The following MAF variants were observed in gnomAD, a reference collection of about 807,000 sequenced individuals.
MAF encodes MAF bZIP transcription factor, also known as transcription factor Maf.
A neutral mutation model predicts 22.0 loss-of-function variants in MAF; 10 were observed. That is an observed-to-expected ratio of 0.45 (90% CI 0.28 to 0.77). The LOEUF (loss-of-function observed/expected upper bound fraction) is 0.77. MAF is among the 30% of genes least tolerant of loss of function. The pLI is 0.12. For synonymous variants in MAF, 337 were observed against 255.8 expected, an observed-to-expected ratio of 1.32 and a Z score of -3.03; for missense variants, 544 against 548.4, an observed-to-expected ratio of 0.99 and a Z score of 0.08.
the MAF span, among the ~76,000 whole-genome samples, chr16:79,539,583 A>G: frequency 6.6e-6 from 1 of 152,256 alleles, no homozygotes; most frequent in African/African-American, 2.4e-5. Flanking sequence ...AACATTTATA[A>G]TAAAGATATA....
chr16:79,357,667 C>G, the MAF span, among the ~76,000 whole-genome samples: 1 of 152,106 alleles, frequency 6.6e-6, no homozygotes, highest in Non-Finnish European at 1.5e-5. Context: ...TCCTCACCAT[C>G]GGTTCCCTAG....
intron 1 of MAF, chr16:79,595,338 T>C: frequency 6.7e-6 from 7 of 1,051,100 alleles, no homozygotes; most frequent in Non-Finnish European, 8.0e-6. Context: ...GATGATAAAC[T>C]GGCCAGAACT....
At chr16:79,512,310 T>C in the MAF span, among the ~76,000 whole-genome samples, 1 of 152,186 alleles carries the variant, frequency 6.6e-6, no homozygotes, top group East Asian at 1.9e-4. Flanking sequence ...ACGAAGCCAG[T>C]ATCCAGACCA....
the MAF span, among the ~76,000 whole-genome samples, chr16:79,460,196 C>G: frequency 6.6e-6 from 1 of 152,068 alleles, no homozygotes; most frequent in African/African-American, 2.4e-5. Flanking sequence ...TTTTACCATG[C>G]AAAAGTTTTA....
chr16:79,280,309 T>C, the MAF span, among the ~76,000 whole-genome samples: 3 of 152,328 alleles, frequency 2.0e-5, no homozygotes, highest in African/African-American at 7.2e-5. Context: ...CCTCAACATT[T>C]GTGGGGACTG....
chr16:79,213,798 G>C, the MAF span, among the ~76,000 whole-genome samples: 5 of 152,140 alleles, frequency 3.3e-5, no homozygotes, highest in Admixed American at 1.3e-4. Context: ...GCAAAAGATA[G>C]TAAAAGTTTA....
At chr16:79,475,362 A>ATGTGTGTGTGTGTGTGTGTGTG in the MAF span, among the ~76,000 whole-genome samples, 1 of 148,732 alleles carries the variant, frequency 6.7e-6, no homozygotes, top group Non-Finnish European at 1.5e-5. Flanking sequence ...ATGTATATAT[A>ATGTGTGTGTGTGTGTGTGTGTG]TGTGTGTGTG....
chr16:79,331,549 G>A, the MAF span, among the ~76,000 whole-genome samples: 1,743 of 152,156 alleles, frequency 0.011, 24 homozygotes, highest in African/African-American at 0.039. Context: ...GACATCCACC[G>A]CTCTTCTTAC....
the MAF span, among the ~76,000 whole-genome samples, chr16:79,240,454 C>T: frequency 7.5e-6 from 1 of 133,208 alleles, no homozygotes; most frequent in Non-Finnish European, 1.6e-5. Flanking sequence ...AATAAAAAAC[C>T]CTTTTGCCTC....
At chr16:79,215,420 G>C in the MAF span, among the ~76,000 whole-genome samples, 3 of 152,178 alleles carry the variant, frequency 2.0e-5, no homozygotes, top group African/African-American at 7.2e-5. Flanking sequence ...TCTGACTCTA[G>C]TTATGCTTCA....
At chr16:79,494,010 T>C in the MAF span, among the ~76,000 whole-genome samples, 14 of 152,050 alleles carry the variant, frequency 9.2e-5, no homozygotes, top group African/African-American at 3.1e-4. Context: ...CCTTGGGTCA[T>C]TTCCATGGTG....
At chr16:79,307,192 G>T in the MAF span, among the ~76,000 whole-genome samples, 1 of 152,224 alleles carries the variant, frequency 6.6e-6, no homozygotes, top group South Asian at 2.1e-4. Flanking sequence ...TGAATCTGGT[G>T]ACTGAGGCTT....
chr16:79,232,013 C>A, the MAF span, among the ~76,000 whole-genome samples: 1 of 151,928 alleles, frequency 6.6e-6, no homozygotes, highest in African/African-American at 2.4e-5. Flanking sequence ...AGGGTTTGCC[C>A]TCTTATGACA....
the MAF span, among the ~76,000 whole-genome samples, chr16:79,460,560 C>T: frequency 6.6e-6 from 1 of 151,986 alleles, no homozygotes; most frequent in Non-Finnish European, 1.5e-5. Context: ...CTCTCCCTAT[C>T]AATTAGGGAT....
the MAF span, among the ~76,000 whole-genome samples, chr16:79,381,128 G>T: frequency 6.6e-6 from 1 of 152,236 alleles, no homozygotes; most frequent in East Asian, 1.9e-4. Flanking sequence ...GCCAGCAGCT[G>T]CAGCTAGAGA....
the MAF span, among the ~76,000 whole-genome samples, chr16:79,440,817 C>T: frequency 6.6e-6 from 1 of 152,190 alleles, no homozygotes; most frequent in East Asian, 1.9e-4. Context: ...CAACTCCATG[C>T]TACTCTCATA....
At chr16:79,568,803 G>C in the MAF span, among the ~76,000 whole-genome samples, 1 of 152,168 alleles carries the variant, frequency 6.6e-6, no homozygotes, top group Non-Finnish European at 1.5e-5. Context: ...CAAGGCCTGT[G>C]TAAACATCTA....
chr16:79,537,252 T>A, the MAF span, among the ~76,000 whole-genome samples: 347 of 152,290 alleles, frequency 2.3e-3, no homozygotes, highest in African/African-American at 7.9e-3. Context: ...AGTTTCCTGG[T>A]TTTCCTTTGT....
At chr16:79,570,934 C>T in the MAF span, among the ~76,000 whole-genome samples, 3 of 152,162 alleles carry the variant, frequency 2.0e-5, no homozygotes, top group East Asian at 5.8e-4. Context: ...GCCTGGGTTC[C>T]TTCATTTAAC....
Sources: allele counts gnomAD v4.1 joint callset (sites outside exome capture counted in the v4.1 genomes callset), GRCh38; gene constraint gnomAD v4.1.1; transcripts MANE v1.5; gene names NCBI Gene and HGNC (gene_info 2026-07-23, HGNC 2026-07-21).